Variants in PCDHA5 observed in about 807,000 individuals in gnomAD.
PCDHA5 encodes the protein protocadherin alpha-5.
A neutral mutation model predicts 61.6 loss-of-function variants in PCDHA5; 43 were observed. The observed-to-expected ratio is 0.70, with a 90% confidence interval of 0.55 to 0.90. PCDHA5 has a LOEUF of 0.90. Ranked by LOEUF, PCDHA5 falls within the 40% of genes least tolerant of loss-of-function variation. PCDHA5 has a pLI of 0.00. For synonymous variants in PCDHA5, 627 were observed against 543.9 expected, an observed-to-expected ratio of 1.15 and a Z score of -2.13; for missense variants, 1,298 against 1,222.7, an observed-to-expected ratio of 1.06 and a Z score of -0.92.
chr5:140,973,850 T>G (rs767532771), intron 1 of PCDHA5, among the ~76,000 whole-genome samples: 25 of 152,176 alleles, frequency 1.6e-4, no homozygotes, highest in Admixed American at 5.2e-4. Flanking sequence ...TGCCTACCAA[T>G]TTTTGCTCTC....
intron 1 of PCDHA5, among the ~76,000 whole-genome samples, chr5:140,939,514 A>G (rs1280466076): frequency 2.0e-5 from 3 of 152,236 alleles, no homozygotes; most frequent in African/African-American, 7.2e-5. Flanking sequence ...TATAACATTA[A>G]TAGTTATAGA....
intron 1 of PCDHA5, among the ~76,000 whole-genome samples, chr5:140,904,088 TA>T (rs1486110849): frequency 9.8e-5 from 15 of 152,340 alleles, no homozygotes; most frequent in Admixed American, 2.6e-4. Flanking sequence ...GTTACATGAA[TA>T]ACTACTTTAG....
In PCDHA5 at chr5:140,843,325, G is replaced by T. The variant is rs2150357511; in HGVS notation, c.2352+19198G>T. ...CCGCCACGGCCACGGTTCTGGTGTC[G>T]CTGGTGGAGAGCGGCCAGGCTCCAA... On this transcript the variant is annotated intron_variant, in intron 1 of 3. Coordinates refer to ENST00000529859, the MANE Select transcript of PCDHA5 (RefSeq NM_018908.3). 5.0e-6 allele frequency: 8 copies of T among 1,596,050 alleles called. 2 individuals are homozygous for T. Among genetic ancestry groups the T allele is most frequent in the Non-Finnish European group, 6.0e-6 (7 of 1,165,566 alleles).
intron 1 of PCDHA5, chr5:140,841,610 G>A (rs199713478): frequency 9.3e-7 from 1 of 1,080,210 alleles, no homozygotes; most frequent in Admixed American, 2.5e-5. Context: ...GGAGCTGTGC[G>A]GGCGGAGCGC....
chr5:140,953,961 G>C lies in PCDHA5; in HGVS notation c.2353-24988G>C, dbSNP rs140078691. ...CCCATTGCTCCCCCAACAGGCCCCA[G>C]TGTGTGTTGTTCCCCTTCATATTTT... On this transcript the variant is annotated intron_variant, in intron 1 of 3. Coordinates refer to ENST00000529859, the MANE Select transcript of PCDHA5 (RefSeq NM_018908.3). 1.0e-3 allele frequency among the ~76,000 whole-genome samples: 152 copies of C among 152,128 alleles called. 3 individuals are homozygous for C. In the East Asian group the frequency reaches 0.026, roughly 26 times the overall value.
chr5:140,927,176 TGACCTAC>T (rs1285493810), intron 1 of PCDHA5: 5 of 1,614,156 alleles, frequency 3.1e-6, no homozygotes, highest in Non-Finnish European at 4.2e-6. Flanking sequence ...GCCTGCGTCT[TGACCTAC>T]GACCTGGTGC....
chr5:140,863,392 C>A (rs782692076), intron 1 of PCDHA5: 3 of 921,584 alleles, frequency 3.3e-6, no homozygotes, highest in Non-Finnish European at 3.4e-6. Context: ...CTCGTGCATG[C>A]CGGGCAAGCC....
intron 1 of PCDHA5, chr5:140,927,419 G>T (rs781883331): frequency 1.9e-6 from 3 of 1,614,140 alleles, no homozygotes; most frequent in South Asian, 2.2e-5. Flanking sequence ...ATGGGATCGC[G>T]GGTTGACGGC....
chr5:140,970,248 A>G (rs1385121881), intron 1 of PCDHA5, among the ~76,000 whole-genome samples: 1 of 152,142 alleles, frequency 6.6e-6, no homozygotes, highest in Non-Finnish European at 1.5e-5. Context: ...TTCTGTTGAC[A>G]GTTTCTATGG....
chr5:140,914,095 C>T (rs1368870998), intron 1 of PCDHA5, among the ~76,000 whole-genome samples: 1 of 152,082 alleles, frequency 6.6e-6, no homozygotes, highest in Admixed American at 6.5e-5. Context: ...TCAATTTGTT[C>T]TATAGTGCAG....
At position 140,823,497 on chromosome 5, in the gene PCDHA5, C is replaced by T; in HGVS notation, c.1722C>T (p.Gly574=). The T allele has an allele frequency of 6.2e-7, 1 of 1,613,246 alleles. No homozygotes were observed. The highest frequency in any genetic ancestry group is 8.5e-7 in the Non-Finnish European group (1 of 1,179,686). Residue 574 remains glycine (G), a synonymous_variant, in exon 1 of 4, where the codon GGC becomes GGT. Coordinates refer to ENST00000529859, the MANE Select transcript of PCDHA5 (RefSeq NM_018908.3). ...LLVPRVGGTG[G]AVSELVPRSV... ...TGCCTCGAGTGGGTGGCACCGGCGGCGCAGTGAGCGAGCTGGTGCCGAGGT... is the reference window on the plus strand; with the variant it reads ...TGCCTCGAGTGGGTGGCACCGGCGGTGCAGTGAGCGAGCTGGTGCCGAGGT...
At chr5:140,862,914 T>G (rs1324923018) in intron 1 of PCDHA5, 1 of 548,316 alleles carries the variant, frequency 1.8e-6, no homozygotes, top group African/African-American at 2.0e-5. Flanking sequence ...TGCTGGCGCC[T>G]TGGGTGGGCT....
chr5:140,832,984 G>C (rs1373514352), intron 1 of PCDHA5, among the ~76,000 whole-genome samples: 1 of 152,156 alleles, frequency 6.6e-6, no homozygotes, highest in Non-Finnish European at 1.5e-5. Context: ...CTAGAAATGA[G>C]GAATAGTCCA....
chr5:140,926,641 C>A, intron 1 of PCDHA5: 1 of 460,388 alleles, frequency 2.2e-6, no homozygotes, highest in Non-Finnish European at 3.6e-6. Flanking sequence ...TCCTCAACAC[C>A]CGGCCGGCTC....
At chr5:140,893,117 T>C (rs536917492) in intron 1 of PCDHA5, among the ~76,000 whole-genome samples, 72 of 152,356 alleles carry the variant, frequency 4.7e-4, no homozygotes, top group South Asian at 1.2e-3. Flanking sequence ...GTTGTGCATA[T>C]ACACCACATT....
At chr5:140,880,731 GAA>G (rs2058452770) in intron 1 of PCDHA5, among the ~76,000 whole-genome samples, 1 of 152,216 alleles carries the variant, frequency 6.6e-6, no homozygotes, top group Non-Finnish European at 1.5e-5. Flanking sequence ...GAAGCATAGA[GAA>G]AATGGATTGT....
chr5:141,006,404 G>A (rs1001810745), intron 3 of PCDHA5, among the ~76,000 whole-genome samples: 2 of 151,938 alleles, frequency 1.3e-5, no homozygotes, highest in East Asian at 1.9e-4. Flanking sequence ...TAGTAGAGAC[G>A]CGGTTTCACT....
At chr5:140,909,870 C>T (rs2074741279) in intron 1 of PCDHA5, among the ~76,000 whole-genome samples, 1 of 152,206 alleles carries the variant, frequency 6.6e-6, no homozygotes. Context: ...GAGTCAACGT[C>T]AGCTTAGAGA....
intron 1 of PCDHA5, chr5:140,841,972 G>A: frequency 6.2e-7 from 1 of 1,613,874 alleles, no homozygotes; most frequent in East Asian, 2.2e-5. Context: ...CCACAGATGG[G>A]GGCAAACCTG....
Sources: allele counts gnomAD v4.1 joint callset (sites outside exome capture counted in the v4.1 genomes callset), GRCh38; gene constraint gnomAD v4.1.1; transcripts MANE v1.5; gene names NCBI Gene and HGNC (gene_info 2026-07-23, HGNC 2026-07-21).